ERBB4: variants seen among roughly 807,000 people sequenced by gnomAD.
ERBB4 encodes receptor tyrosine-protein kinase erbB-4.
ERBB4 carries 42 observed loss-of-function variants against 158.0 expected under a neutral mutation model. That is an observed-to-expected ratio of 0.27 (90% CI 0.21 to 0.34). ERBB4 has a LOEUF of 0.34. ERBB4 is among the 10% of genes least tolerant of loss of function. The pLI is 1.00. For synonymous variants in ERBB4, 583 were observed against 558.7 expected, an observed-to-expected ratio of 1.04 and a Z score of -0.61; for missense variants, 1,333 against 1,624.1, an observed-to-expected ratio of 0.82 and a Z score of 3.08.
intron 1 of ERBB4, among the ~76,000 whole-genome samples, chr2:212,435,092 T>A (rs908560758): frequency 6.6e-6 from 1 of 151,976 alleles, no homozygotes; most frequent in South Asian, 2.1e-4. Context: ...CTAAGTCTCA[T>A]AGGAAATTGT....
chr2:211,889,987 T>G (rs2078919812), intron 3 of ERBB4, among the ~76,000 whole-genome samples: 1 of 99,418 alleles, frequency 1.0e-5, no homozygotes, highest in Admixed American at 1.1e-4. Flanking sequence ...CTCTGCAGGA[T>G]ATTATCCAGG....
intron 1 of ERBB4, among the ~76,000 whole-genome samples, chr2:212,331,901 GAATT>G (rs2088195263): frequency 1.3e-5 from 2 of 152,142 alleles, no homozygotes; most frequent in South Asian, 4.1e-4. Flanking sequence ...TATTTAAGCA[GAATT>G]AATTCTATAT....
intron 1 of ERBB4, among the ~76,000 whole-genome samples, chr2:212,306,119 A>T (rs2086800451): frequency 6.6e-6 from 1 of 151,490 alleles, no homozygotes; most frequent in Admixed American, 6.6e-5. Context: ...AAAATATAAT[A>T]AGATTCCTTT....
chr2:212,304,065 G>A (rs1454571155), intron 1 of ERBB4, among the ~76,000 whole-genome samples: 1 of 151,530 alleles, frequency 6.6e-6, no homozygotes, highest in Non-Finnish European at 1.5e-5. Flanking sequence ...ATCAGATACT[G>A]GAGATTTCAA....
At chr2:212,209,842 A>G (rs906475425) in intron 1 of ERBB4, among the ~76,000 whole-genome samples, 2 of 152,100 alleles carry the variant, frequency 1.3e-5, no homozygotes, top group Admixed American at 6.6e-5. Flanking sequence ...TCATTGGGCA[A>G]TATGTATGTT....
At chr2:212,533,406 A>T (rs770159755) in intron 1 of ERBB4, among the ~76,000 whole-genome samples, 2 of 152,238 alleles carry the variant, frequency 1.3e-5, no homozygotes, top group Non-Finnish European at 2.9e-5. Context: ...AAGCCAAGTC[A>T]CAAAGAGATG....
intron 3 of ERBB4, among the ~76,000 whole-genome samples, chr2:211,911,228 T>C (rs2079533413): frequency 6.6e-6 from 1 of 152,216 alleles, no homozygotes; most frequent in Non-Finnish European, 1.5e-5. Flanking sequence ...GCTTAATTTC[T>C]CTGATGCAAA....
intron 2 of ERBB4, among the ~76,000 whole-genome samples, chr2:212,046,509 C>A (rs1309535514): frequency 6.6e-6 from 1 of 152,140 alleles, no homozygotes; most frequent in Non-Finnish European, 1.5e-5. Flanking sequence ...GATATCACTC[C>A]CATATGAGTT....
intron 1 of ERBB4, among the ~76,000 whole-genome samples, chr2:212,156,624 C>A (rs2081043797): frequency 6.6e-6 from 1 of 152,078 alleles, no homozygotes. Flanking sequence ...GTTGAAACAG[C>A]ATTTCTGTAT....
chr2:212,167,965 T>C (rs971608247), intron 1 of ERBB4, among the ~76,000 whole-genome samples: 4 of 151,076 alleles, frequency 2.6e-5, no homozygotes, highest in Admixed American at 1.3e-4. Flanking sequence ...GGGAGGGAAC[T>C]TAGAGGATGG....
intron 7 of ERBB4, among the ~76,000 whole-genome samples, chr2:211,720,327 G>C (rs1241762567): frequency 6.6e-6 from 1 of 152,118 alleles, no homozygotes; most frequent in Non-Finnish European, 1.5e-5. Context: ...AATGAACTGT[G>C]GTCAATGCCT....
intron 15 of ERBB4, 115 bp from the exon 16 acceptor site, chr2:211,657,943 C>A (rs1403288689): frequency 6.2e-7 from 1 of 1,608,724 alleles, no homozygotes; most frequent in South Asian, 1.1e-5. Context: ...GCAAGCACAC[C>A]AAGTACCTAT....
intron 2 of ERBB4, among the ~76,000 whole-genome samples, chr2:212,037,884 TA>T (rs2077051745): frequency 6.6e-6 from 1 of 152,160 alleles, no homozygotes; most frequent in African/African-American, 2.4e-5. Context: ...TGAGAGCAAA[TA>T]TTTTTCAAGA....
intron 1 of ERBB4, among the ~76,000 whole-genome samples, chr2:212,462,583 C>G (rs1038576650): frequency 1.3e-5 from 2 of 151,836 alleles, no homozygotes; most frequent in Non-Finnish European, 2.9e-5. Flanking sequence ...AATGGGTATT[C>G]TCAAAAAGAT....
At chr2:211,937,125 G>A (rs1559138584) in intron 3 of ERBB4, among the ~76,000 whole-genome samples, 1 of 152,010 alleles carries the variant, frequency 6.6e-6, no homozygotes, top group African/African-American at 2.4e-5. Context: ...CTGGTTCCTT[G>A]TACAATCTTT....
At chr2:212,378,602 T>C (rs1056175907) in intron 1 of ERBB4, among the ~76,000 whole-genome samples, 4 of 151,978 alleles carry the variant, frequency 2.6e-5, no homozygotes, top group African/African-American at 4.8e-5. Flanking sequence ...CATTTTTTTT[T>C]CCCCTTCCCT....
chr2:212,311,917 G>A (rs554118903), intron 1 of ERBB4, among the ~76,000 whole-genome samples: 3 of 150,872 alleles, frequency 2.0e-5, no homozygotes, highest in Non-Finnish European at 4.5e-5. Flanking sequence ...CTCAACTCCT[G>A]GTGAATAAAT....
chr2:211,425,598 T>G (rs2063610556), intron 22 of ERBB4, among the ~76,000 whole-genome samples: 1 of 151,966 alleles, frequency 6.6e-6, no homozygotes. Context: ...TGACTGTTCA[T>G]CTCTAGATAG....
chr2:211,537,606 G>C (rs1218468925), intron 20 of ERBB4, among the ~76,000 whole-genome samples: 2 of 151,930 alleles, frequency 1.3e-5, no homozygotes, highest in African/African-American at 4.8e-5. Flanking sequence ...AACAAGAGAA[G>C]GTGGTTGAAG....
Sources: gnomAD v4.1 joint callset for allele counts (sites outside exome capture counted in the v4.1 genomes callset) on GRCh38, gnomAD v4.1.1 for gene constraint, MANE v1.5 for transcripts, NCBI Gene and HGNC (gene_info 2026-07-23, HGNC 2026-07-21) for gene names.